Variants in GRM1 observed in about 807,000 individuals in gnomAD.
GRM1 encodes the protein glutamate metabotropic receptor 1.
In GRM1, 33 loss-of-function variants were observed where a neutral mutation model predicts 90.9. That is an observed-to-expected ratio of 0.36 (90% CI 0.28 to 0.49). GRM1 has a LOEUF of 0.49. Ranked by LOEUF, GRM1 falls within the 20% of genes least tolerant of loss-of-function variation. The pLI, the probability that GRM1 is intolerant of heterozygous loss-of-function variation, is 0.99. For missense variants in GRM1, 1,190 were observed against 1,534.3 expected, an observed-to-expected ratio of 0.78 and a Z score of 3.75; for synonymous variants, 700 against 613.2, an observed-to-expected ratio of 1.14 and a Z score of -2.09.
chr6:146,422,350 A>G (rs1000086233), intron 7 of GRM1, among the ~76,000 whole-genome samples: 1 of 152,218 alleles, frequency 6.6e-6, no homozygotes, highest in African/African-American at 2.4e-5. Flanking sequence ...GCTGAAGTCA[A>G]CAAGTAAAGT....
rs1790626924 is a variant in GRM1, at chr6:146,029,407, CA to C, written c.-110del. 8.2e-6 allele frequency: 7 copies of C among 856,844 alleles called. No individual in the cohort carries two copies. The Admixed American group carries it at 1.2e-4, about 15-fold the overall frequency. The allele number at this position is 856,844 out of a possible 1,614,324, so 53.1% of individuals were successfully genotyped here. On this transcript the variant is annotated 5_prime_UTR_variant, in exon 1 of 8. Coordinates refer to ENST00000282753, the MANE Select transcript of GRM1 (RefSeq NM_001278064.2). ...TTGGACGACCATTGTTGGCGAGGGG[CA>C]CCACTCCGGGAGAGGCGGCGCTGGG... is the stretch of plus-strand genomic sequence containing the variant.
At chr6:146,349,668 G>A (rs1785323913) in intron 3 of GRM1, among the ~76,000 whole-genome samples, 1 of 151,832 alleles carries the variant, frequency 6.6e-6, no homozygotes, top group Non-Finnish European at 1.5e-5. Flanking sequence ...AAGAATTTAA[G>A]TCCGGAGACA....
chr6:146,436,713 T>G lies in GRM1; in HGVS notation c.*1917T>G, dbSNP rs1460448447. ...AATAAAAGGATTTTTCTTGCTGTTTTGATTTCTTCTATTATTTGTGGAATG... is the reference window on the plus strand; with the variant it reads ...AATAAAAGGATTTTTCTTGCTGTTTGGATTTCTTCTATTATTTGTGGAATG... On this transcript the variant is annotated 3_prime_UTR_variant, in exon 8 of 8. Transcript: ENST00000282753. The G allele has an allele frequency of 2.6e-5, 4 of 152,664 alleles. No homozygotes were observed. The highest frequency in any genetic ancestry group is 9.6e-5 in the African/African-American group (4 of 41,476). 9.5% of individuals were successfully genotyped at this position (152,664 alleles called of 1,614,324 possible). A position where few individuals can be genotyped will look rare whatever the true frequency, so the allele number is the denominator to read the frequency against.
intron 5 of GRM1, among the ~76,000 whole-genome samples, chr6:146,374,246 A>G (rs762369563): frequency 1.4e-4 from 21 of 152,046 alleles, no homozygotes; most frequent in Admixed American, 4.6e-4. Flanking sequence ...GATCTTTTTA[A>G]TGTATTGTTG....
intron 1 of GRM1, among the ~76,000 whole-genome samples, chr6:146,089,393 G>T (rs6934467): frequency 0.36 from 55,021 of 151,904 alleles, 10,850 homozygotes; most frequent in Middle Eastern, 0.51. Context: ...GACCTCAACT[G>T]CAGCCTTATA....
At chr6:146,277,174 T>C (rs1324266344) in intron 2 of GRM1, among the ~76,000 whole-genome samples, 1 of 152,178 alleles carries the variant, frequency 6.6e-6, no homozygotes, top group African/African-American at 2.4e-5. Context: ...TGGTGTGTGA[T>C]TGTTTGCATA....
chr6:146,298,962 A>G (rs1293900173), intron 2 of GRM1, among the ~76,000 whole-genome samples: 1 of 152,214 alleles, frequency 6.6e-6, no homozygotes, highest in Non-Finnish European at 1.5e-5. Flanking sequence ...CTTCTGATTA[A>G]CGTAAACCTG....
At chr6:146,357,073 A>T (rs1242328031) in intron 4 of GRM1, among the ~76,000 whole-genome samples, 1 of 152,202 alleles carries the variant, frequency 6.6e-6, no homozygotes. Flanking sequence ...CTCTATTAGC[A>T]CCTTAAAAAC....
intron 1 of GRM1, among the ~76,000 whole-genome samples, chr6:146,103,075 G>T (rs1290133092): frequency 6.6e-6 from 1 of 152,124 alleles, no homozygotes; most frequent in Non-Finnish European, 1.5e-5. Flanking sequence ...GGATGGCGTG[G>T]CTGTCCTTCT....
At chr6:146,107,671 T>A (rs951411644) in intron 1 of GRM1, among the ~76,000 whole-genome samples, 1 of 152,252 alleles carries the variant, frequency 6.6e-6, no homozygotes, top group African/African-American at 2.4e-5. Context: ...AACCAGTAGA[T>A]GTTTGCACAT....
At chr6:146,294,836 A>G (rs1783120829) in intron 2 of GRM1, among the ~76,000 whole-genome samples, 1 of 152,204 alleles carries the variant, frequency 6.6e-6, no homozygotes, top group Admixed American at 6.5e-5. Context: ...TTACATTACT[A>G]TAACAACCTC....
At chr6:146,228,681 A>G (rs1780337503) in intron 2 of GRM1, among the ~76,000 whole-genome samples, 1 of 152,204 alleles carries the variant, frequency 6.6e-6, no homozygotes, top group Non-Finnish European at 1.5e-5. Flanking sequence ...GTAATAGTAT[A>G]TGTAAGATAA....
chr6:146,162,988 A>AT (rs1353645239), intron 2 of GRM1, among the ~76,000 whole-genome samples: 3 of 152,268 alleles, frequency 2.0e-5, no homozygotes, highest in African/African-American at 7.2e-5. Flanking sequence ...CCTAGAATTT[A>AT]TAATATATTA....
chr6:146,307,351 G>T (rs1783613352), intron 3 of GRM1, among the ~76,000 whole-genome samples: 1 of 152,036 alleles, frequency 6.6e-6, no homozygotes, highest in East Asian at 1.9e-4. Context: ...AAGGCAGGAG[G>T]TTTATTTAAC....
intron 2 of GRM1, among the ~76,000 whole-genome samples, chr6:146,213,728 ATAG>A (rs1779762288): frequency 2.0e-5 from 3 of 152,112 alleles, no homozygotes; most frequent in African/African-American, 7.2e-5. Context: ...AGATAGATAG[ATAG>A]ATAGATGGAT....
Position 146,436,776 on chromosome 6 carries a change from T to C in GRM1, c.*1980T>C, listed in dbSNP as rs1296801396. On this transcript the variant is annotated 3_prime_UTR_variant, in exon 8 of 8. Coordinates refer to ENST00000282753, the MANE Select transcript of GRM1 (RefSeq NM_001278064.2). Reference sequence around the variant, plus strand: ...CTTAAATATCTTTGTTTATGCCTTATGTTCAGTCATATTTTAATATGCTTC... The same window carrying C: ...CTTAAATATCTTTGTTTATGCCTTACGTTCAGTCATATTTTAATATGCTTC... 6.6e-6 allele frequency: 1 copy of C among 152,644 alleles called. No homozygotes were observed. The highest frequency in any genetic ancestry group is 6.5e-5 in the Admixed American group (1 of 15,288). The allele number at this position is 152,644 out of a possible 1,614,324, so 9.5% of individuals were successfully genotyped here. A position where few individuals can be genotyped will look rare whatever the true frequency, so the allele number is the denominator to read the frequency against.
chr6:146,317,873 A>C (rs981162333), intron 3 of GRM1, among the ~76,000 whole-genome samples: 1 of 152,226 alleles, frequency 6.6e-6, no homozygotes, highest in Non-Finnish European at 1.5e-5. Flanking sequence ...AATATAACCC[A>C]TCTCAGGGGA....
At chr6:146,058,654 C>A (rs1173527713) in intron 1 of GRM1, among the ~76,000 whole-genome samples, 2 of 152,118 alleles carry the variant, frequency 1.3e-5, no homozygotes, top group African/African-American at 2.4e-5. Context: ...AACGACTTCT[C>A]TGTAGCATAC....
At chr6:146,298,948 C>A (rs1460540523) in intron 2 of GRM1, among the ~76,000 whole-genome samples, 4 of 152,150 alleles carry the variant, frequency 2.6e-5, no homozygotes, top group Admixed American at 2.6e-4. Context: ...CTCAAATATC[C>A]TTTCTTCTGA....
Sources: gnomAD v4.1 joint callset for allele counts (sites outside exome capture counted in the v4.1 genomes callset) on GRCh38, gnomAD v4.1.1 for gene constraint, MANE v1.5 for transcripts, NCBI Gene and HGNC (gene_info 2026-07-23, HGNC 2026-07-21) for gene names.